HNRNPU: variants seen among roughly 807,000 people sequenced by gnomAD.
The protein encoded by HNRNPU is HNRNPU antisense RNA 1.
HNRNPU carries 5 observed loss-of-function variants against 94.7 expected under a neutral mutation model. The ratio of observed to expected loss-of-function variants is 0.05; its 90% CI spans 0.03 to 0.11. The LOEUF (loss-of-function observed/expected upper bound fraction) is 0.11. Ranked by LOEUF, HNRNPU falls within the 10% of genes least tolerant of loss-of-function variation. HNRNPU has a pLI of 1.00. For missense variants in HNRNPU, 710 were observed against 1,049.2 expected, an observed-to-expected ratio of 0.68 and a Z score of 4.47; for synonymous variants, 434 against 381.6, an observed-to-expected ratio of 1.14 and a Z score of -1.60.
At chr1:244,860,746 G>A in intron 3 of HNRNPU, 2 of 513,602 alleles carry the variant, frequency 3.9e-6, no homozygotes, top group Non-Finnish European at 6.8e-6. Flanking sequence ...AAGACAATGT[G>A]ACATTAATAC....
intron 10 of HNRNPU, 104 bp downstream of exon 10, chr1:244,856,353 C>A: frequency 7.8e-7 from 1 of 1,284,450 alleles, no homozygotes; most frequent in South Asian, 1.4e-5. Context: ...TTTCAGGAGG[C>A]CTAAGTCCTA....
Position 244,859,279 on chromosome 1 carries a change from T to C in HNRNPU, c.1113A>G (p.Leu371=). The C allele has an allele frequency of 1.3e-6, 2 of 1,532,316 alleles. No individual in the cohort carries two copies. Among genetic ancestry groups the C allele is most frequent in the Non-Finnish European group, 1.8e-6 (2 of 1,105,802 alleles). 94.9% of individuals were successfully genotyped at this position (1,532,316 alleles called of 1,614,324 possible). A position where few individuals can be genotyped will look rare whatever the true frequency, so the allele number is the denominator to read the frequency against. The change falls in exon 5 of 14, where the codon TTA becomes TTG. Residue 371 remains leucine (L), a synonymous_variant. Coordinates refer to ENST00000640218, the MANE Select transcript of HNRNPU (RefSeq NM_031844.3). ...TCAGTCAAAAAGAAGCTTTACCAAG[T>C]AACATTCCACTTGTAGTTAGTGACC... ...IGWSLTTSGM[L]LGEEEFSYGY...
chr1:244,855,993 T>C lies in HNRNPU; in HGVS notation c.2078A>G (p.Asn693Ser), dbSNP rs1213499345. ...QNTGSKKSNK[N>S]KSGKNQFNRG... ...GTTAAACTGGTTCTTGCCACTCTTA[T>C]TTTTATTGCTTTTCTTTGAGCCAGT... Residue 693 changes from asparagine to serine, a missense_variant, in exon 11 of 14, where the codon AAT (asparagine) becomes AGT (serine). Transcript: ENST00000640218. 6.2e-7 allele frequency: 1 copy of C among 1,614,178 alleles called. No individual in the cohort carries two copies. The highest frequency in any genetic ancestry group is 1.1e-5 in the South Asian group (1 of 91,084).
rs771002033 is a variant in HNRNPU at position 244,863,899 on chromosome 1, C to G, written c.409G>C (p.Gly137Arg). 6.2e-7 allele frequency: 1 copy of G among 1,613,946 alleles called. No homozygotes were observed. Among genetic ancestry groups the G allele is most frequent in the South Asian group, 1.1e-5 (1 of 91,072 alleles). The change falls in exon 1 of 14, where the codon GGT becomes CGT. Residue 137 changes from glycine to arginine, a missense_variant. Transcript: ENST00000640218. Reference sequence around the variant, plus strand: ...AGCTCATCTTCCCCTTCCTGGAAACCCTGATCGTCGCCGTTCTCGTCTTCC... The same window carrying G: ...AGCTCATCTTCCCCTTCCTGGAAACGCTGATCGTCGCCGTTCTCGTCTTCC... ...ASEDENGDDQ[G>R]FQEGEDELGD... is the part of the protein sequence containing the mutation.
intron 1 of HNRNPU, 84 bp downstream of exon 1, chr1:244,863,533 C>G: frequency 2.4e-6 from 3 of 1,275,378 alleles, no homozygotes; most frequent in East Asian, 3.3e-5. Flanking sequence ...GCTCCCTCCC[C>G]CTGCGGGGCT....
At chr1:244,860,282 C>A in intron 4 of HNRNPU, 53 bp downstream of exon 4, 1 of 1,522,350 alleles carries the variant, frequency 6.6e-7, no homozygotes, top group South Asian at 1.2e-5. Context: ...GCCTAGGGAA[C>A]AGAGTGAGAC....
chr1:244,863,986 C>G lies in HNRNPU; in HGVS notation c.322G>C (p.Glu108Gln). ...GCCGCCCCCGCGGCCCCGTTCTCCT[C>G]TCCTAGCTCCATCTGGTCGCCGTCC... ...ALDGDQMELGEENGAAGAADS... is the reference protein window; with the variant it reads ...ALDGDQMELGQENGAAGAADS... Residue 108 changes from glutamate (E) to glutamine (Q), a missense_variant, in exon 1 of 14, where the codon GAG becomes CAG. By Grantham distance (29) the Glu-to-Gln change is conservative. Coordinates refer to ENST00000640218, the MANE Select transcript of HNRNPU (RefSeq NM_031844.3). 6.2e-7 allele frequency: 1 copy of G among 1,613,790 alleles called. No homozygotes were observed. The highest frequency in any genetic ancestry group is 8.5e-7 in the Non-Finnish European group (1 of 1,179,928).
intron 3 of HNRNPU, chr1:244,860,999 C>T (rs1317074319): frequency 1.3e-5 from 2 of 153,928 alleles, no homozygotes; most frequent in African/African-American, 4.8e-5. Context: ...AAGTACAAAC[C>T]TGGCCGTCTA....
Position 244,858,709 on chromosome 1 carries a change from G to T in HNRNPU, c.1230+20C>A, listed in dbSNP as rs748433309. Reference sequence around the variant, plus strand: ...CTACTAACTTTGCCATTTATACATAGAAAGTTAGCTTTAACTTACAGCAAA... The same window carrying T: ...CTACTAACTTTGCCATTTATACATATAAAGTTAGCTTTAACTTACAGCAAA... On this transcript the variant is annotated intron_variant, in intron 6 of 13. Transcript: ENST00000640218. The T allele has an allele frequency of 2.3e-6, 3 of 1,327,044 alleles. No individual in the cohort carries two copies. Among genetic ancestry groups the T allele is most frequent in the East Asian group, 2.3e-5 (1 of 43,456 alleles). 82.2% of individuals were successfully genotyped at this position (1,327,044 alleles called of 1,614,324 possible). A position where few individuals can be genotyped will look rare whatever the true frequency, so the allele number is the denominator to read the frequency against.
intron 1 of HNRNPU, among the ~76,000 whole-genome samples, 191 bp downstream of exon 1, chr1:244,863,408 ACACACACACACACGCGCG>A (rs1680902227): frequency 7.0e-6 from 1 of 142,658 alleles, no homozygotes; most frequent in African/African-American, 2.6e-5. Flanking sequence ...ACACACACAC[ACACACACACACACGCGCG>A]CGCGCACACA....
At chr1:244,857,329 T>G in intron 8 of HNRNPU, 4 of 314,818 alleles carry the variant, frequency 1.3e-5, no homozygotes, top group Non-Finnish European at 2.3e-5. Context: ...CACTGCAACC[T>G]CTGCCTCCCA....
In HNRNPU at chr1:244,851,788, G is replaced by A. The variant is rs1405452866; in HGVS notation, c.*2662C>T. On this transcript the variant is annotated 3_prime_UTR_variant, in exon 14 of 14. Coordinates refer to ENST00000640218, the MANE Select transcript of HNRNPU (RefSeq NM_031844.3). ...CCAGAGCCCTTCAAAGGCTGTATGT[G>A]AGTATATGAGGGAAAACTTTCCACA... The A allele has an allele frequency of 6.6e-6, 1 of 152,142 alleles. No individual in the cohort carries two copies. Among genetic ancestry groups the A allele is most frequent in the African/African-American group, 2.4e-5 (1 of 41,418 alleles). The allele number at this position is 152,142 out of a possible 1,614,324, so 9.4% of individuals were successfully genotyped here.
chr1:244,864,540 C>T lies in HNRNPU; in HGVS notation c.-233G>A, dbSNP rs997863527. On this transcript the variant is annotated 5_prime_UTR_variant, in exon 1 of 14. Coordinates refer to ENST00000640218, the MANE Select transcript of HNRNPU (RefSeq NM_031844.3). ...CCTGGCGCGAGCGAGCACGCAACGT[C>T]CTCTCGCAGGAGCGGCGCCGCGCAC... 1.3e-5 allele frequency: 8 copies of T among 597,872 alleles called. No homozygotes were observed. The highest frequency in any genetic ancestry group is 2.2e-5 in the South Asian group (1 of 44,456). 37.0% of individuals were successfully genotyped at this position (597,872 alleles called of 1,614,324 possible).
chr1:244,862,934 A>G (rs1680878410), intron 1 of HNRNPU: 2 of 592,584 alleles, frequency 3.4e-6, no homozygotes, highest in Non-Finnish European at 6.0e-6. Flanking sequence ...TAATTTTGCC[A>G]GTCTCCTCGA....
intron 5 of HNRNPU, chr1:244,859,045 T>C (rs112192297): frequency 1.9e-5 from 11 of 580,078 alleles, no homozygotes; most frequent in African/African-American, 1.3e-4. Flanking sequence ...AGTTGACGAT[T>C]TGCATATCAC....
rs570495195 is a variant in HNRNPU at position 244,863,857 on chromosome 1, C to A, written c.451G>T (p.Gly151Cys). 6.2e-7 allele frequency: 1 copy of A among 1,613,504 alleles called. No individual in the cohort carries two copies. The highest frequency in any genetic ancestry group is 1.7e-5 in the Admixed American group (1 of 59,980). The change falls in exon 1 of 14, where the codon GGC becomes TGC. Residue 151 changes from glycine (G) to cysteine (C), a missense_variant. Gly to Cys is a radical substitution (Grantham distance 159). Coordinates refer to ENST00000640218, the MANE Select transcript of HNRNPU (RefSeq NM_031844.3). ...GEDELGDEEE[G>C]AGDENGHGEQ... The stretch of plus-strand genomic sequence containing the variant: ...CCGTGCCCGTTCTCGTCGCCCGCGC[C>A]TTCCTCTTCGTCCCCGAGCTCATCT...
Position 244,863,406 on chromosome 1 carries a change from ACACACACACACACACGCGCGCG to A in HNRNPU, c.691+189_691+210del, listed in dbSNP as rs1680902142. Among the ~76,000 whole-genome samples the A allele has an allele frequency of 3.5e-5, 5 of 143,502 alleles. No homozygotes were observed. The South Asian group carries it at 1.1e-3, about 33-fold the overall frequency. 94.1% of individuals were successfully genotyped at this position (143,502 alleles called of 152,430 possible). A position where few individuals can be genotyped will look rare whatever the true frequency, so the allele number is the denominator to read the frequency against. ...GCGCTGCCACCGCCGACACACACAC[ACACACACACACACACGCGCGCG>A]CGCACACACACGCCCCGAGCCCGAG... On this transcript the variant is annotated intron_variant, in intron 1 of 13. Transcript: ENST00000640218.
Position 244,863,717 on chromosome 1 carries a change from C to G in HNRNPU, c.591G>C (p.Thr197=), listed in dbSNP as rs1159406089. ...SSGPTSLFAV[T]VAPPGARQGQ... is the part of the protein sequence containing the mutation. ...CCTGCCTCGCCCCGGGCGGCGCCAC[C>G]GTCACCGCGAACAGCGAGGTGGGGC... Residue 197 remains threonine (T), a synonymous_variant, in exon 1 of 14, where the codon ACG becomes ACC. Coordinates refer to ENST00000640218, the MANE Select transcript of HNRNPU (RefSeq NM_031844.3). 1.9e-6 allele frequency: 3 copies of G among 1,568,712 alleles called. No homozygotes were observed. The highest frequency in any genetic ancestry group is 1.1e-5 in the South Asian group (1 of 87,844).
In HNRNPU at chr1:244,864,459, G is replaced by A; in HGVS notation, c.-152C>T. On this transcript the variant is annotated 5_prime_UTR_variant, in exon 1 of 14. Coordinates refer to ENST00000640218, the MANE Select transcript of HNRNPU (RefSeq NM_031844.3). ...TCGTGCTGCAGAGCGGATCCGCCTG[G>A]TGTCGAACGGCGCCAATTCCTTTCA... is the stretch of plus-strand genomic sequence containing the variant. 1.5e-6 allele frequency: 2 copies of A among 1,324,664 alleles called. No homozygotes were observed. The highest frequency in any genetic ancestry group is 2.0e-6 in the Non-Finnish European group (2 of 982,788). The allele number at this position is 1,324,664 out of a possible 1,614,324, so 82.1% of individuals were successfully genotyped here.
Sources: allele counts gnomAD v4.1 joint callset (sites outside exome capture counted in the v4.1 genomes callset), GRCh38; gene constraint gnomAD v4.1.1; transcripts MANE v1.5; gene names NCBI Gene and HGNC (gene_info 2026-07-23, HGNC 2026-07-21).